Variants in ZDHHC13 observed in about 807,000 individuals in gnomAD.
The protein encoded by ZDHHC13 is zDHHC palmitoyltransferase 13, also known as palmitoyltransferase ZDHHC13.
Under a neutral mutation model 86.0 loss-of-function variants are expected in ZDHHC13, and 85 were observed. The ratio of observed to expected loss-of-function variants is 0.99; its 90% CI spans 0.83 to 1.18. ZDHHC13 has a LOEUF of 1.18. Ranked by LOEUF, ZDHHC13 falls within the 50% of genes most tolerant of loss-of-function variation. The pLI, the probability that ZDHHC13 is intolerant of heterozygous loss-of-function variation, is 0.00. For synonymous variants in ZDHHC13, 263 were observed against 246.4 expected (o/e 1.07, Z -0.63); for missense variants, 711 against 730.2 (o/e 0.97, Z 0.30).
chr11:19,131,959 A>G (rs1457088227), intron 1 of ZDHHC13, among the ~76,000 whole-genome samples: 1 of 152,218 alleles, frequency 6.6e-6, no homozygotes, highest in Non-Finnish European at 1.5e-5. Flanking sequence ...CTTTTGTCAT[A>G]TCTTCAATTT....
chr11:19,146,434 C>G (rs893842724), intron 3 of ZDHHC13, 131 bp downstream of exon 3: 2 of 1,080,612 alleles, frequency 1.9e-6, no homozygotes, highest in Non-Finnish European at 2.5e-6. Flanking sequence ...ACTTTTTCTG[C>G]CACACACGTT....
intron 14 of ZDHHC13, chr11:19,169,892 T>A (rs1443856994): frequency 5.1e-6 from 5 of 985,702 alleles, no homozygotes; most frequent in Non-Finnish European, 6.0e-6. Context: ...GCAGATTTAG[T>A]TATGGTGTCA....
intron 4 of ZDHHC13, 87 bp downstream of exon 4, chr11:19,147,760 G>T (rs1306472789): frequency 3.5e-6 from 3 of 857,506 alleles, no homozygotes. Context: ...GATTTGAAAG[G>T]CTGTCTTTTC....
intron 8 of ZDHHC13, among the ~76,000 whole-genome samples, chr11:19,153,477 A>T (rs1487636431): frequency 6.6e-6 from 1 of 152,216 alleles, no homozygotes; most frequent in Non-Finnish European, 1.5e-5. Flanking sequence ...CTGTATTCTT[A>T]TGTAGAGGAT....
intron 14 of ZDHHC13, chr11:19,168,846 T>C: frequency 1.0e-6 from 1 of 985,430 alleles, no homozygotes; most frequent in Non-Finnish European, 1.2e-6. Context: ...AGGTGGATAG[T>C]AAGTGACTCC....
chr11:19,169,721 C>T (rs1256987985), intron 14 of ZDHHC13: 1 of 985,388 alleles, frequency 1.0e-6, no homozygotes, highest in Admixed American at 6.1e-5. Context: ...ACTGCTGCTC[C>T]TAGCTACATG....
chr11:19,149,427 G>C lies in ZDHHC13; in HGVS notation c.519+96G>C. ...GTCTCTTCTCATTTTTAAAGTGGAG[G>C]TTAATGGATATCCAGATATTCAGAT... On this transcript the variant is annotated intron_variant, in intron 5 of 16. Coordinates refer to ENST00000446113, the MANE Select transcript of ZDHHC13 (RefSeq NM_019028.3). The C allele has an allele frequency of 2.5e-6, 3 of 1,213,612 alleles. No individual in the cohort carries two copies. The South Asian group carries it at 6.3e-5, about 25-fold the overall frequency. The allele number at this position is 1,213,612 out of a possible 1,614,324, so 75.2% of individuals were successfully genotyped here.
rs1242217278 is a variant in ZDHHC13 at position 19,150,757 on chromosome 11, A to G, written c.550A>G (p.Thr184Ala). ...SVNMTDVNGQ[T>A]PLMLSAHKVI... is the part of the protein sequence containing the mutation. ...GAATATGACAGATGTAAATGGGCAG[A>G]CACCTCTCATGTTATCAGCTCACAA... The change falls in exon 6 of 17, where the codon ACA becomes GCA. Residue 184 changes from threonine (T) to alanine (A), a missense_variant. Thr to Ala is a moderately conservative substitution (Grantham distance 58). Transcript: ENST00000446113. The G allele has an allele frequency of 6.2e-7, 1 of 1,611,136 alleles. No individual in the cohort carries two copies. The highest frequency in any genetic ancestry group is 8.5e-7 in the Non-Finnish European group (1 of 1,177,856).
Position 19,136,679 on chromosome 11 carries a change from G to T in ZDHHC13, c.28-6299G>T, listed in dbSNP as rs1487243450. Among the ~76,000 whole-genome samples, 990 of 152,006 alleles carry T rather than the reference G, an allele frequency of 6.5e-3. 7 individuals are homozygous for T. Among genetic ancestry groups the T allele is most frequent in the African/African-American group, 0.023 (932 of 41,362 alleles). ...AAGGGCAGCCAGAGAGAAAGGTCGGGTTACCCACAAAGGGAAGCCCATCAG... is the reference window on the plus strand; with the variant it reads ...AAGGGCAGCCAGAGAGAAAGGTCGGTTTACCCACAAAGGGAAGCCCATCAG... On this transcript the variant is annotated intron_variant, in intron 1 of 16. Transcript: ENST00000446113.
chr11:19,138,758 T>G (rs1849221118), intron 1 of ZDHHC13, among the ~76,000 whole-genome samples: 2 of 151,844 alleles, frequency 1.3e-5, no homozygotes, highest in Non-Finnish European at 2.9e-5. Context: ...GCTGGTTCAA[T>G]ATACGCAAAT....
intron 7 of ZDHHC13, 50 bp from the exon 8 acceptor site, chr11:19,152,509 C>T (rs143039083): frequency 1.5e-5 from 23 of 1,512,402 alleles, no homozygotes; most frequent in African/African-American, 7.1e-5. Flanking sequence ...GTTTAGCACT[C>T]ATAATATATT....
chr11:19,132,288 G>A (rs1347329753), intron 1 of ZDHHC13, among the ~76,000 whole-genome samples: 2 of 152,174 alleles, frequency 1.3e-5, no homozygotes, highest in African/African-American at 4.8e-5. Context: ...CTTCTCTAGA[G>A]TGGTTCTGGT....
chr11:19,163,741 TAAATG>T lies in ZDHHC13; in HGVS notation c.1233+315_1233+319del, dbSNP rs1266589754. Among the ~76,000 whole-genome samples, 9 of 152,254 alleles carry T rather than the reference TAAATG, an allele frequency of 5.9e-5. No individual in the cohort carries two copies. The East Asian group carries it at 1.5e-3, about 26-fold the overall frequency. ...ATTTAGCTTACATTTCCCCACTAAA[TAAATG>T]GAGAGTAACTAGTCAGTGACCAGGG... On this transcript the variant is annotated intron_variant, in intron 11 of 16. Coordinates refer to ENST00000446113, the MANE Select transcript of ZDHHC13 (RefSeq NM_019028.3).
intron 14 of ZDHHC13, chr11:19,168,389 G>A (rs1565043000): frequency 6.6e-6 from 1 of 152,124 alleles, no homozygotes; most frequent in Non-Finnish European, 1.5e-5. Context: ...TATTGATAAG[G>A]ACAGAAGTGA....
intron 10 of ZDHHC13, 113 bp downstream of exon 10, chr11:19,159,153 C>A: frequency 1.5e-6 from 1 of 664,470 alleles, no homozygotes. Context: ...CTTATATTTG[C>A]ATTCATTTAA....
chr11:19,124,978 G>A (rs1219827961), intron 1 of ZDHHC13, among the ~76,000 whole-genome samples: 2 of 152,070 alleles, frequency 1.3e-5, no homozygotes, highest in Non-Finnish European at 2.9e-5. Flanking sequence ...TAAAGCTCAA[G>A]GAGCCACAAA....
chr11:19,173,792 G>A (rs997384496), intron 16 of ZDHHC13, among the ~76,000 whole-genome samples: 1 of 152,208 alleles, frequency 6.6e-6, no homozygotes, highest in African/African-American at 2.4e-5. Flanking sequence ...GCCTGTGATA[G>A]AGTTGGAATT....
intron 10 of ZDHHC13, among the ~76,000 whole-genome samples, chr11:19,161,394 C>T (rs1018096030): frequency 1.3e-5 from 2 of 151,860 alleles, no homozygotes; most frequent in African/African-American, 4.9e-5. Flanking sequence ...AAGTGCTCAC[C>T]ACAGTCCCCA....
intron 1 of ZDHHC13, among the ~76,000 whole-genome samples, chr11:19,127,900 T>C (rs1272418254): frequency 6.6e-6 from 1 of 152,242 alleles, no homozygotes. Flanking sequence ...TCCAGCTTTG[T>C]TCTTTTTGCT....
Sources: allele counts gnomAD v4.1 joint callset (sites outside exome capture counted in the v4.1 genomes callset), GRCh38; gene constraint gnomAD v4.1.1; transcripts MANE v1.5; gene names NCBI Gene and HGNC (gene_info 2026-07-23, HGNC 2026-07-21).